PDE11A: variants seen among roughly 807,000 people sequenced by gnomAD.
PDE11A encodes dual 3',5'-cyclic-AMP and -GMP phosphodiesterase 11A.
PDE11A carries 100 observed loss-of-function variants against 100.5 expected under a neutral mutation model. That is an observed-to-expected ratio of 1.00 (90% CI 0.85 to 1.18). PDE11A has a LOEUF of 1.18. PDE11A is among the 50% of genes most tolerant of loss of function. The pLI is 0.00. For synonymous variants in PDE11A, 381 were observed against 420.8 expected (o/e 0.91, Z 1.16); for missense variants, 1,141 against 1,152.6 (o/e 0.99, Z 0.15).
In PDE11A at chr2:177,665,170, G is replaced by A. The variant is rs552802539; in HGVS notation, c.2563-1221C>T. On this transcript the variant is annotated intron_variant, in intron 18 of 19. Transcript: ENST00000286063. The stretch of plus-strand genomic sequence containing the variant: ...AGTTCTTGTGAATAATATGAGTCTT[G>A]ATCCAAAATGTTTCTTTAGAGCTGG... Among the ~76,000 whole-genome samples, 3 of 152,134 alleles carry A rather than the reference G, an allele frequency of 2.0e-5. No individual in the cohort carries two copies. In the South Asian group the frequency reaches 6.2e-4, roughly 32 times the overall value.
chr2:177,728,319 A>G, intron 10 of PDE11A, 147 bp from the exon 11 acceptor site: 1 of 518,840 alleles, frequency 1.9e-6, no homozygotes, highest in Non-Finnish European at 3.5e-6. Context: ...CTGAGCTGTA[A>G]ATGTCTTTTG....
chr2:177,637,995 A>AT (rs1303030999), intron 19 of PDE11A, among the ~76,000 whole-genome samples: 1,534 of 54,106 alleles, frequency 0.028, 92 homozygotes, highest in South Asian at 0.074. Flanking sequence ...ATATATATAT[A>AT]TATTTTTTTT....
chr2:177,725,598 G>T (rs1402697970), intron 12 of PDE11A, among the ~76,000 whole-genome samples: 1 of 152,048 alleles, frequency 6.6e-6, no homozygotes, highest in Non-Finnish European at 1.5e-5. Context: ...CTTCAAGATT[G>T]CTGAGCATAC....
intron 16 of PDE11A, 52 bp from the exon 17 acceptor site, chr2:177,675,570 T>A: frequency 7.6e-7 from 1 of 1,312,450 alleles, no homozygotes; most frequent in Non-Finnish European, 1.1e-6. Context: ...GTTGCATTCC[T>A]AAACAAACCC....
intron 19 of PDE11A, among the ~76,000 whole-genome samples, chr2:177,635,490 AT>A (rs1407368233): frequency 6.6e-6 from 1 of 152,030 alleles, no homozygotes; most frequent in Non-Finnish European, 1.5e-5. Context: ...GACCCCACTT[AT>A]TTCCTGATTT....
intron 6 of PDE11A, among the ~76,000 whole-genome samples, chr2:177,824,059 T>G (rs1173485690): frequency 1.3e-5 from 2 of 152,068 alleles, no homozygotes; most frequent in East Asian, 3.8e-4. Flanking sequence ...GAATTTTGTT[T>G]ACCCATCACT....
chr2:178,003,803 T>C (rs1322899165), intron 2 of PDE11A, among the ~76,000 whole-genome samples: 1 of 152,220 alleles, frequency 6.6e-6, no homozygotes, highest in Non-Finnish European at 1.5e-5. Context: ...GTTTGAACCA[T>C]ATAAAACTGC....
chr2:177,666,590 C>T (rs2080588093), intron 18 of PDE11A, among the ~76,000 whole-genome samples: 1 of 152,168 alleles, frequency 6.6e-6, no homozygotes, highest in Non-Finnish European at 1.5e-5. Context: ...CTATAGCTAT[C>T]TTAGTGGCTG....
intron 2 of PDE11A, among the ~76,000 whole-genome samples, chr2:177,945,761 C>T (rs1574298498): frequency 6.6e-6 from 1 of 151,484 alleles, no homozygotes; most frequent in South Asian, 2.1e-4. Context: ...GCCAGCTGCC[C>T]CATCCGGGAG....
chr2:177,712,473 A>G (rs566960280), intron 12 of PDE11A, among the ~76,000 whole-genome samples: 15 of 152,134 alleles, frequency 9.9e-5, no homozygotes, highest in Non-Finnish European at 2.2e-4. Flanking sequence ...AAATTCATAC[A>G]GATAATAAGG....
rs190113429 is a variant in PDE11A at position 177,800,936 on chromosome 2, C to T, written c.1737+15893G>A. ...CCAAAGTCTTGCCTGTTGGCAAACA[C>T]TGCAGTCCAAGGGAAGGAGAGAAGC... On this transcript the variant is annotated intron_variant, in intron 9 of 19. Transcript: ENST00000286063. Among the ~76,000 whole-genome samples, 4 of 152,320 alleles carry T rather than the reference C, an allele frequency of 2.6e-5. No homozygotes were observed. In the East Asian group the frequency reaches 7.7e-4, roughly 29 times the overall value.
intron 18 of PDE11A, among the ~76,000 whole-genome samples, chr2:177,665,480 A>C (rs2080558490): frequency 2.4e-5 from 1 of 42,306 alleles, no homozygotes; most frequent in African/African-American, 6.0e-5. Flanking sequence ...ACTCAGTCTC[A>C]AAAAAAAAAT....
intron 6 of PDE11A, among the ~76,000 whole-genome samples, chr2:177,832,434 C>G (rs996107610): frequency 6.6e-6 from 1 of 152,200 alleles, no homozygotes; most frequent in African/African-American, 2.4e-5. Flanking sequence ...TTCCTGCCCT[C>G]GAACATCGGT....
chr2:177,631,312 AAAAAAAAAAAC>A (rs2079918238), intron 19 of PDE11A, among the ~76,000 whole-genome samples: 1 of 34,988 alleles, frequency 2.9e-5, no homozygotes, highest in Non-Finnish European at 6.0e-5. Context: ...AAAAAAAAAC[AAAAAAAAAAAC>A]AACCTAGGCG....
chr2:177,899,671 T>C (rs1417681267), intron 3 of PDE11A: 1 of 199,540 alleles, frequency 5.0e-6, no homozygotes, highest in Non-Finnish European at 1.1e-5. Flanking sequence ...TTACATTTAG[T>C]CTTTGCTAAA....
At chr2:178,048,733 G>C (rs532306614) in intron 1 of PDE11A, among the ~76,000 whole-genome samples, 23 of 152,134 alleles carry the variant, frequency 1.5e-4, no homozygotes, top group Non-Finnish European at 2.6e-4. Context: ...ATCTAATTCT[G>C]GTGCTGAGAA....
At chr2:177,948,178 T>A (rs2085467224) in intron 2 of PDE11A, among the ~76,000 whole-genome samples, 2 of 152,214 alleles carry the variant, frequency 1.3e-5, no homozygotes, top group Non-Finnish European at 1.5e-5. Flanking sequence ...TGAATTGGGA[T>A]ATATAGTTTA....
At chr2:178,102,678 C>A (rs185683687) in intron 2 of PDE11A, among the ~76,000 whole-genome samples, 2,663 of 129,584 alleles carry the variant, frequency 0.021, 53 homozygotes, top group African/African-American at 0.052. Context: ...CCCACCTCAG[C>A]CTCCCAAAGT....
At chr2:177,634,441 T>C (rs2080005481) in intron 19 of PDE11A, among the ~76,000 whole-genome samples, 1 of 147,854 alleles carries the variant, frequency 6.8e-6, no homozygotes, top group Non-Finnish European at 1.5e-5. Flanking sequence ...CAGGCTGGAG[T>C]GCAGTGGGGC....
Sources: gnomAD v4.1 joint callset for allele counts (sites outside exome capture counted in the v4.1 genomes callset) on GRCh38, gnomAD v4.1.1 for gene constraint, MANE v1.5 for transcripts, NCBI Gene and HGNC (gene_info 2026-07-23, HGNC 2026-07-21) for gene names.